Variants in PRKX observed in about 807,000 individuals in gnomAD.
PRKX encodes protein kinase cAMP-dependent X-linked catalytic subunit, also known as cAMP-dependent protein kinase catalytic subunit PRKX.
PRKX carries 12 observed loss-of-function variants against 22.0 expected under a neutral mutation model. The observed-to-expected ratio is 0.54, with a 90% confidence interval of 0.35 to 0.88. The LOEUF (loss-of-function observed/expected upper bound fraction) is 0.88, where lower values mean the gene tolerates loss of function less well. Among genes scored for constraint, PRKX ranks in the 40% least tolerant of loss-of-function variants. PRKX has a pLI of 0.01. For synonymous variants in PRKX, 134 were observed against 137.7 expected (o/e 0.97, Z 0.19); for missense variants, 217 against 308.0 (o/e 0.70, Z 2.21).
chrX:3,613,878 A>AAAAAAAAAAAAC (rs1926362227), intron 7 of PRKX, among the ~76,000 whole-genome samples: 5 of 97,041 alleles, frequency 5.2e-5, no homozygotes, highest in Admixed American at 4.5e-4. Flanking sequence ...AAAAAAAAAA[A>AAAAAAAAAAAAC]AAGAAGCGTA....
At chrX:3,654,655 A>T (rs1480836572) in intron 3 of PRKX, among the ~76,000 whole-genome samples, 1 of 106,731 alleles carries the variant, frequency 9.4e-6, no homozygotes, top group Non-Finnish European at 1.9e-5. Flanking sequence ...TTAAATATAT[A>T]TATTTCTGTA....
chrX:3,658,092 G>A (rs55889526), intron 2 of PRKX, among the ~76,000 whole-genome samples: 1 of 109,134 alleles, frequency 9.2e-6, no homozygotes, highest in Non-Finnish European at 1.9e-5. Context: ...CTGGGTGCAA[G>A]CGATTCTCCT....
In PRKX at chrX:3,713,153, G is replaced by A. The variant is rs2012597; in HGVS notation, c.101C>T (p.Pro34Leu). ...AGGCGGCTCCGGCGACAGCGCCTCA[G>A]GGCTGGGGCAGAGCGCGGGCGCCCC... Reference protein sequence around the residue: ...PDGAPALCPSPEALSPEPPVY... With the variant: ...PDGAPALCPSLEALSPEPPVY... The change falls in exon 1 of 9, where the codon CCT becomes CTT. Residue 34 changes from proline (P) to leucine (L), a missense_variant. Coordinates refer to ENST00000262848, the MANE Select transcript of PRKX (RefSeq NM_005044.5). 1.9e-5 allele frequency: 22 copies of A among 1,138,974 alleles called. No individual in the cohort carries two copies. The highest frequency in any genetic ancestry group is 2.5e-4 in the Middle Eastern group (1 of 3,999). The allele number at this position is 1,138,974 out of a possible 1,213,427, so 93.9% of individuals were successfully genotyped here.
chrX:3,710,305 T>C (rs752787647), intron 1 of PRKX, among the ~76,000 whole-genome samples: 4 of 111,717 alleles, frequency 3.6e-5, no homozygotes, highest in Non-Finnish European at 7.5e-5. Flanking sequence ...AAGAATCCAT[T>C]ATCAGACTTT....
chrX:3,673,929 G>T (rs184209243), intron 2 of PRKX, among the ~76,000 whole-genome samples: 2 of 111,058 alleles, frequency 1.8e-5, no homozygotes, highest in Non-Finnish European at 3.8e-5. Context: ...GTGAAAAGGC[G>T]CCATCTATGA....
intron 8 of PRKX, among the ~76,000 whole-genome samples, chrX:3,609,437 A>C (rs1206887100): frequency 9.0e-6 from 1 of 111,577 alleles, no homozygotes; most frequent in African/African-American, 3.3e-5. Flanking sequence ...CTGGGATTAC[A>C]GGCATGAGCC....
chrX:3,691,460 CTTCAAGAAAAATAACAATTTTTCGA>C (rs1296887395), intron 1 of PRKX, among the ~76,000 whole-genome samples: 21 of 29,623 alleles, frequency 7.1e-4, no homozygotes, highest in Non-Finnish European at 1.5e-3. Flanking sequence ...TACATTCTAC[CTTCAAGAAAAATAACAATTTTTCGA>C]CCATTACACT....
chrX:3,676,043 T>C (rs1447020229), intron 1 of PRKX, among the ~76,000 whole-genome samples: 1 of 111,799 alleles, frequency 8.9e-6, no homozygotes, highest in Non-Finnish European at 1.9e-5. Context: ...CTGCAACTGA[T>C]GCAGGATTTC....
At chrX:3,691,670 A>G (rs952609361) in intron 1 of PRKX, among the ~76,000 whole-genome samples, 10 of 111,073 alleles carry the variant, frequency 9.0e-5, no homozygotes, top group Non-Finnish European at 1.7e-4. Flanking sequence ...CCTGGACTCC[A>G]CCCACCTGTT....
chrX:3,644,735 C>T (rs372988978), intron 3 of PRKX, among the ~76,000 whole-genome samples: 1 of 111,960 alleles, frequency 8.9e-6, no homozygotes, highest in Non-Finnish European at 1.9e-5. Flanking sequence ...TTCTGCAAGA[C>T]GAGCGACTTA....
intron 1 of PRKX, among the ~76,000 whole-genome samples, chrX:3,677,629 C>T (rs1927991604): frequency 9.0e-6 from 1 of 111,674 alleles, no homozygotes; most frequent in Non-Finnish European, 1.9e-5. Context: ...AAAAGTTGTA[C>T]TTAAGCTACC....
chrX:3,634,070 C>T (rs1348360217), intron 4 of PRKX, among the ~76,000 whole-genome samples: 2 of 109,275 alleles, frequency 1.8e-5, no homozygotes, highest in Non-Finnish European at 3.8e-5. Flanking sequence ...GCCAACATGG[C>T]GAAACCCCAT....
At chrX:3,642,613 C>T (rs1042114693) in intron 3 of PRKX, among the ~76,000 whole-genome samples, 1 of 110,521 alleles carries the variant, frequency 9.0e-6, no homozygotes, top group African/African-American at 3.3e-5. Context: ...ACCCCTGAAC[C>T]TAAAAGTTCT....
intron 1 of PRKX, among the ~76,000 whole-genome samples, chrX:3,693,732 T>G (rs1351987256): frequency 9.3e-6 from 1 of 107,907 alleles, no homozygotes; most frequent in Non-Finnish European, 1.9e-5. Flanking sequence ...GGTCAGGAGA[T>G]AGAGACCATC....
intron 2 of PRKX, among the ~76,000 whole-genome samples, chrX:3,662,519 C>T (rs1927617690): frequency 9.2e-6 from 1 of 108,985 alleles, no homozygotes. Context: ...CATGGTGAAA[C>T]CCCATCTCTA....
At chrX:3,631,208 A>G (rs150293590) in intron 4 of PRKX, among the ~76,000 whole-genome samples, 4 of 112,340 alleles carry the variant, frequency 3.6e-5, no homozygotes, top group African/African-American at 1.3e-4. Flanking sequence ...GAGGTCCCCA[A>G]AAAGATACAT....
intron 1 of PRKX, among the ~76,000 whole-genome samples, chrX:3,698,991 A>G: frequency 1.0e-5 from 1 of 97,436 alleles, no homozygotes; most frequent in South Asian, 5.0e-4. Flanking sequence ...TTTGAGATGG[A>G]GTCTCGCTCT....
At chrX:3,617,243 T>TATAC (rs56084852) in intron 6 of PRKX, among the ~76,000 whole-genome samples, 11 of 110,355 alleles carry the variant, frequency 1.0e-4, no homozygotes, top group Middle Eastern at 4.8e-3. Flanking sequence ...TATATATATA[T>TATAC]ACACATATAC....
At chrX:3,627,909 A>C in intron 4 of PRKX, among the ~76,000 whole-genome samples, 1 of 111,669 alleles carries the variant, frequency 9.0e-6, no homozygotes, top group Non-Finnish European at 1.9e-5. Context: ...TTCAAAGGAA[A>C]GGAAGTCATG....
Sources: allele counts gnomAD v4.1 joint callset (sites outside exome capture counted in the v4.1 genomes callset), GRCh38; gene constraint gnomAD v4.1.1; transcripts MANE v1.5; gene names NCBI Gene and HGNC (gene_info 2026-07-23, HGNC 2026-07-21).